The following CCDC7 variants were observed in gnomAD, a reference collection of about 807,000 sequenced individuals.
CCDC7 encodes coiled-coil domain containing 7, also known as coiled-coil domain-containing protein 7.
CCDC7 carries 183 observed loss-of-function variants against 196.9 expected under a neutral mutation model. The observed-to-expected ratio is 0.93, with a 90% CI of 0.82 to 1.05. The LOEUF (loss-of-function observed/expected upper bound fraction) is 1.05. CCDC7 is among the 50% of genes least tolerant of loss of function. CCDC7 has a pLI of 0.00. For missense variants in CCDC7, 1,540 were observed against 1,482.2 expected (o/e 1.04, Z -0.64); for synonymous variants, 525 against 484.6 (o/e 1.08, Z -1.10).
intron 24 of CCDC7, among the ~76,000 whole-genome samples, chr10:32,702,745 T>A (rs2078974578): frequency 6.7e-6 from 1 of 150,192 alleles, no homozygotes; most frequent in Admixed American, 6.6e-5. Flanking sequence ...TAGCTCTTCT[T>A]GTTGATCCCT....
chr10:32,585,198 C>T (rs1855231), intron 18 of CCDC7, among the ~76,000 whole-genome samples: 21,671 of 151,780 alleles, frequency 0.14, 1,888 homozygotes, highest in African/African-American at 0.25. Context: ...CTCAGCCTCC[C>T]GAGTAGCTGG....
chr10:32,466,888 A>G (rs1027037860), intron 5 of CCDC7, among the ~76,000 whole-genome samples: 1 of 152,178 alleles, frequency 6.6e-6, no homozygotes, highest in Non-Finnish European at 1.5e-5. Context: ...TACTCCCACC[A>G]ACAATGTATA....
At chr10:32,631,748 T>C (rs1364509741) in intron 18 of CCDC7, among the ~76,000 whole-genome samples, 1 of 152,168 alleles carries the variant, frequency 6.6e-6, no homozygotes, top group Non-Finnish European at 1.5e-5. Context: ...TGTATTGTCC[T>C]TTTAACAATA....
rs181327116 is a variant in CCDC7 at position 32,572,012 on chromosome 10, A to C, written c.1454+119A>C. 26 of 948,902 alleles carry C rather than the reference A, an allele frequency of 2.7e-5. No individual in the cohort carries two copies. In the African/African-American group the frequency reaches 3.8e-4, roughly 14 times the overall value. The allele number at this position is 948,902 out of a possible 1,614,324, so 58.8% of individuals were successfully genotyped here. The stretch of plus-strand genomic sequence containing the variant: ...CACAAAACTCTTTGAAACTAATTTT[A>C]AGTAGAAAATGTTAGAAACTTTAGA... On this transcript the variant is annotated intron_variant, in intron 16 of 41. Transcript: ENST00000639629.
At chr10:32,828,541 AAGAAGAAGAAGAAGAAGAAAG>A (rs1368355140) in intron 32 of CCDC7, among the ~76,000 whole-genome samples, 47 of 147,766 alleles carry the variant, frequency 3.2e-4, no homozygotes, top group Admixed American at 2.0e-4. Flanking sequence ...GAAGAAGAAG[AAGAAGAAGAAGAAGAAGAAAG>A]AAGAAGAAGA....
At chr10:32,797,249 A>C (rs1310480413) in intron 29 of CCDC7, among the ~76,000 whole-genome samples, 3 of 150,986 alleles carry the variant, frequency 2.0e-5, no homozygotes, top group African/African-American at 7.3e-5. Flanking sequence ...ATATGCGTAT[A>C]TATATGTGTG....
chr10:32,874,573 G>A (rs911278113), intron 41 of CCDC7, among the ~76,000 whole-genome samples: 18 of 151,408 alleles, frequency 1.2e-4, no homozygotes, highest in African/African-American at 4.1e-4. Context: ...TTAGAATAAT[G>A]GCCTCCAGTT....
intron 20 of CCDC7, among the ~76,000 whole-genome samples, chr10:32,647,890 A>C (rs1235325557): frequency 6.6e-6 from 1 of 152,234 alleles, no homozygotes; most frequent in East Asian, 1.9e-4. Context: ...ACTTAGCCAA[A>C]AATTATTTGC....
intron 28 of CCDC7, among the ~76,000 whole-genome samples, chr10:32,756,254 G>C (rs551817951): frequency 6.6e-6 from 1 of 152,228 alleles, no homozygotes; most frequent in Admixed American, 6.5e-5. Flanking sequence ...GAAATACAGA[G>C]AACACCACAA....
At chr10:32,472,428 A>G (rs899641827) in intron 6 of CCDC7, 53 bp from the exon 8 acceptor site, 5 of 1,468,246 alleles carry the variant, frequency 3.4e-6, no homozygotes, top group Non-Finnish European at 2.7e-6. Context: ...GTGTAATTTA[A>G]ACTCTTACTC....
At chr10:32,882,436 A>G (rs2137110066) in intron 22 of CCDC7, among the ~76,000 whole-genome samples, 1 of 152,324 alleles carries the variant, frequency 6.6e-6, no homozygotes, top group South Asian at 2.1e-4. Context: ...GAGGGCGTAG[A>G]GAAGCCTAGC....
Position 32,474,027 on chromosome 10 carries a change from A to T in CCDC7, c.796+4A>T. On this transcript the variant is annotated splice_donor_region_variant and intron_variant, in intron 8 of 41. Coordinates refer to ENST00000639629, the Ensembl canonical transcript of CCDC7. ...GATGTTTCTGCAACAGAACCACGTA[A>T]GTTTCCACTCATTAAAGCATTATTG... 1 of 1,610,822 alleles carries T rather than the reference A, an allele frequency of 6.2e-7. No individual in the cohort carries two copies.
At chr10:32,859,778 T>A (rs1374969584) in intron 41 of CCDC7, among the ~76,000 whole-genome samples, 1 of 152,080 alleles carries the variant, frequency 6.6e-6, no homozygotes, top group African/African-American at 2.4e-5. Context: ...GAGAATACTA[T>A]AAACGCCTCT....
At chr10:32,557,473 A>G (rs1313628204) in intron 13 of CCDC7, among the ~76,000 whole-genome samples, 1 of 152,040 alleles carries the variant, frequency 6.6e-6, no homozygotes, top group Non-Finnish European at 1.5e-5. Context: ...TATGGGATAC[A>G]ATTATATATT....
intron 25 of CCDC7, among the ~76,000 whole-genome samples, chr10:32,718,503 G>C (rs2081950217): frequency 6.6e-6 from 1 of 152,060 alleles, no homozygotes; most frequent in South Asian, 2.1e-4. Flanking sequence ...ATTCAACATA[G>C]TATTGGAAGT....
chr10:32,830,858 C>T lies in CCDC7; in HGVS notation c.3269-3957C>T, dbSNP rs527902102. Among the ~76,000 whole-genome samples the T allele has an allele frequency of 1.1e-4, 17 of 152,192 alleles. No individual in the cohort carries two copies. The South Asian group carries it at 3.3e-3, about 30-fold the overall frequency. Reference sequence around the variant, plus strand: ...TAAAATACTAGTCCACCAATCTAAGCTCAATTAAATCTAATTATATAAACA... The same window carrying T: ...TAAAATACTAGTCCACCAATCTAAGTTCAATTAAATCTAATTATATAAACA... On this transcript the variant is annotated intron_variant, in intron 32 of 41. Transcript: ENST00000639629.
intron 41 of CCDC7, among the ~76,000 whole-genome samples, chr10:32,864,558 A>G (rs2094136689): frequency 6.6e-6 from 1 of 151,456 alleles, no homozygotes; most frequent in South Asian, 2.1e-4. Context: ...AGCTAAATAC[A>G]TTTATATTTA....
At chr10:32,726,128 G>A (rs2083083535) in intron 25 of CCDC7, among the ~76,000 whole-genome samples, 1 of 151,202 alleles carries the variant, frequency 6.6e-6, no homozygotes, top group South Asian at 2.1e-4. Flanking sequence ...GTTTTTTTCT[G>A]ATTGGTTATT....
chr10:32,780,562 A>G (rs1389036725), intron 29 of CCDC7, among the ~76,000 whole-genome samples: 1 of 152,184 alleles, frequency 6.6e-6, no homozygotes, highest in Non-Finnish European at 1.5e-5. Context: ...TGTCAATTCA[A>G]ATTAAACTGT....
Sources: gnomAD v4.1 joint callset for allele counts (sites outside exome capture counted in the v4.1 genomes callset) on GRCh38, gnomAD v4.1.1 for gene constraint, MANE v1.5 for transcripts, NCBI Gene and HGNC (gene_info 2026-07-23, HGNC 2026-07-21) for gene names.